The following CACNA1F variants were observed in gnomAD, a reference collection of about 807,000 sequenced individuals.
The protein encoded by CACNA1F is voltage-dependent L-type calcium channel subunit alpha-1F.
CACNA1F carries 59 observed loss-of-function variants against 143.8 expected under a neutral mutation model. The observed-to-expected ratio is 0.41, with a 90% CI of 0.33 to 0.51. The LOEUF (loss-of-function observed/expected upper bound fraction) is 0.51, where lower values mean the gene tolerates loss of function less well. CACNA1F is among the 20% of genes least tolerant of loss of function. The pLI is 0.22. For synonymous variants in CACNA1F, 643 were observed against 649.1 expected (o/e 0.99, Z 0.14); for missense variants, 1,411 against 1,647.5 (o/e 0.86, Z 2.48).
chrX:49,226,079 G>T lies in CACNA1F; in HGVS notation c.1491-10C>A. On this transcript the variant is annotated splice_polypyrimidine_tract_variant and intron_variant, in intron 12 of 47. Coordinates refer to ENST00000323022, the MANE Select transcript of CACNA1F (RefSeq NM_001256789.3). ...TCGGCGGAGGCGGCGGCTGGGGGAA[G>T]GGGAGCCCACAGGCTGAGATCACCT... 1 of 1,192,809 alleles carries T rather than the reference G, an allele frequency of 8.4e-7. No homozygotes were observed. Among genetic ancestry groups the T allele is most frequent in the Non-Finnish European group, 1.1e-6 (1 of 885,440 alleles).
rs201620596 is a variant in CACNA1F, at chrX:49,207,115, G to A, written c.5124-3C>T. 3 of 1,128,530 alleles carry A rather than the reference G, an allele frequency of 2.7e-6. No homozygotes were observed. Among genetic ancestry groups the A allele is most frequent in the East Asian group, 3.1e-5 (1 of 32,546 alleles). The allele number at this position is 1,128,530 out of a possible 1,213,427, so 93.0% of individuals were successfully genotyped here. A position where few individuals can be genotyped will look rare whatever the true frequency, so the allele number is the denominator to read the frequency against. On this transcript the variant is annotated splice_polypyrimidine_tract_variant and splice_region_variant and intron_variant, in intron 43 of 47. Coordinates refer to ENST00000323022, the MANE Select transcript of CACNA1F (RefSeq NM_001256789.3). Reference sequence around the variant, plus strand: ...AAATGAGAGCCCCAGAGCCTCTCCTGGGGAAAGGGAGGCACGTTAGGCAGA... The same window carrying A: ...AAATGAGAGCCCCAGAGCCTCTCCTAGGGAAAGGGAGGCACGTTAGGCAGA...
Position 49,210,978 on chromosome X carries a change from C to A in CACNA1F, c.4375G>T (p.Asp1459Tyr). Residue 1459 changes from aspartate (D) to tyrosine (Y), a missense_variant, in exon 37 of 48, where the codon GAC becomes TAC. By Grantham distance (160) the Asp-to-Tyr change is radical. Coordinates refer to ENST00000323022, the MANE Select transcript of CACNA1F (RefSeq NM_001256789.3). ...DEFKRIWSEY[D>Y]PGAKGRIKHL... ...TAGAGGGCATACTTGGCCCCAGGGT[C>A]ATATTCAGACCAGATCCTCTTGAAT... 1 of 1,206,714 alleles carries A rather than the reference C, an allele frequency of 8.3e-7. No homozygotes were observed. Among genetic ancestry groups the A allele is most frequent in the Non-Finnish European group, 1.1e-6 (1 of 892,828 alleles).
At chrX:49,211,180 G>T (rs2065654298) in intron 36 of CACNA1F, 88 bp from the exon 37 acceptor site, 2 of 1,110,110 alleles carry the variant, frequency 1.8e-6, no homozygotes, top group Non-Finnish European at 2.5e-6. Context: ...GGCTTATATG[G>T]TCATGAGTCT....
chrX:49,215,640 G>A (rs1268412281), intron 27 of CACNA1F, 97 bp from the exon 28 acceptor site: 2 of 559,996 alleles, frequency 3.6e-6, no homozygotes, highest in East Asian at 3.6e-5. Flanking sequence ...AGACACCCCA[G>A]AGTTTCCTGC....
In CACNA1F at chrX:49,211,262, T is replaced by G. The variant is rs896869598; in HGVS notation, c.4260+60A>C. The G allele has an allele frequency of 3.4e-6, 4 of 1,173,521 alleles. No homozygotes were observed. The African/African-American group carries it at 7.1e-5, about 21-fold the overall frequency. ...ATCTGGGCTGCCCACGTCACATCCC[T>G]GAGCCCCTCAGGGCCAGCCCCCGTG... On this transcript the variant is annotated intron_variant, in intron 36 of 47. Coordinates refer to ENST00000323022, the MANE Select transcript of CACNA1F (RefSeq NM_001256789.3).
At chrX:49,208,411 GCC>G in intron 43 of CACNA1F, 102 bp downstream of exon 43, 1 of 414,483 alleles carries the variant, frequency 2.4e-6, no homozygotes. Flanking sequence ...AGGCCTCTAG[GCC>G]CTCCCTCCCA....
chrX:49,208,066 C>T lies in CACNA1F; in HGVS notation c.5123+449G>A, dbSNP rs369014460. Among the ~76,000 whole-genome samples the T allele has an allele frequency of 1.8e-4, 19 of 107,714 alleles. No homozygotes were observed. The East Asian group carries it at 4.7e-3, about 27-fold the overall frequency. The allele number at this position is 107,714 out of a possible 115,157, so 93.5% of individuals were successfully genotyped here. On this transcript the variant is annotated intron_variant, in intron 43 of 47. Coordinates refer to ENST00000323022, the MANE Select transcript of CACNA1F (RefSeq NM_001256789.3). The stretch of plus-strand genomic sequence containing the variant: ...AAAAAAAATTAGCCTGGCATTATGG[C>T]GCACGCCTGTAATCCCAGCTACTCG...
intron 17 of CACNA1F, among the ~76,000 whole-genome samples, chrX:49,221,471 C>T (rs1322652645): frequency 3.6e-5 from 4 of 110,635 alleles, no homozygotes; most frequent in Admixed American, 9.6e-5. Flanking sequence ...GGCAGTGGTG[C>T]GATATTGGCT....
At chrX:49,218,843 C>T in intron 22 of CACNA1F, 39 bp downstream of exon 22, 1 of 1,145,370 alleles carries the variant, frequency 8.7e-7, no homozygotes. Context: ...GGGAGAGTGC[C>T]AGGGCAACTG....
intron 17 of CACNA1F, 140 bp from the exon 18 acceptor site, chrX:49,221,220 C>T (rs1426156066): frequency 3.8e-6 from 2 of 530,935 alleles, no homozygotes; most frequent in Non-Finnish European, 6.6e-6. Flanking sequence ...GTTCTCAAAG[C>T]AGCCAGAGGG....
At position 49,210,329 on chromosome X, in the gene CACNA1F, G is replaced by A. The variant is rs781976924; in HGVS notation, c.4560C>T (p.Val1520=). Residue 1520 remains valine, a synonymous_variant, in exon 39 of 48, where the codon GTC becomes GTT. Coordinates refer to ENST00000323022, the MANE Select transcript of CACNA1F (RefSeq NM_001256789.3). ...VTFNATLFAL[V]RTSLKIKTEG... ...CTGTTTTGATCTTCAGGGATGTCCG[G>A]ACCAGGGCAAAGAGTGTGGCGTTGA... 1 of 1,206,805 alleles carries A rather than the reference G, an allele frequency of 8.3e-7. No individual in the cohort carries two copies. The highest frequency in any genetic ancestry group is 3.0e-5 in the East Asian group (1 of 33,819).
At position 49,213,800 on chromosome X, in the gene CACNA1F, TG is replaced by T; in HGVS notation, c.3792+18del. The stretch of plus-strand genomic sequence containing the variant: ...GGTGTATAGGGCGAGAGTGGATTAG[TG>T]GAAAGGCCAGTTCTCACATTGACTT... On this transcript the variant is annotated intron_variant, in intron 31 of 47. Coordinates refer to ENST00000323022, the MANE Select transcript of CACNA1F (RefSeq NM_001256789.3). 2 of 1,118,519 alleles carry T rather than the reference TG, an allele frequency of 1.8e-6. No individual in the cohort carries two copies. The highest frequency in any genetic ancestry group is 2.5e-6 in the Non-Finnish European group (2 of 810,604). 92.2% of individuals were successfully genotyped at this position (1,118,519 alleles called of 1,213,427 possible).
Position 49,206,743 on chromosome X carries a change from G to T in CACNA1F, c.5344C>A (p.Pro1782Thr). 1.7e-6 allele frequency: 2 copies of T among 1,205,455 alleles called. No individual in the cohort carries two copies. Among genetic ancestry groups the T allele is most frequent in the Non-Finnish European group, 2.2e-6 (2 of 891,854 alleles). ...GHLVPRRRLL[P>T]PTPAGRKPSF... ...CTGCTCTCACCTGCAGGTGTGGGGG[G>T]CAGCAGACGGCGGCGTGGTACCAGG... Residue 1782 changes from proline to threonine, a missense_variant, in exon 45 of 48, where the codon CCC becomes ACC. Physicochemically the swap from Pro to Thr is conservative, Grantham distance 38. Around this residue, in one of 3 missense-constraint regions of CACNA1F, gnomAD observed 349 missense variants for 350.2 expected, o/e 1.00. Coordinates refer to ENST00000323022, the MANE Select transcript of CACNA1F (RefSeq NM_001256789.3).
intron 34 of CACNA1F, 90 bp from the exon 35 acceptor site, chrX:49,212,079 G>A: frequency 1.2e-6 from 1 of 837,721 alleles, no homozygotes; most frequent in Non-Finnish European, 1.8e-6. Flanking sequence ...TCATAACCCT[G>A]ACAAACAGGG....
chrX:49,220,378 A>T, intron 19 of CACNA1F, 95 bp downstream of exon 19: 1 of 604,751 alleles, frequency 1.7e-6, no homozygotes, highest in Non-Finnish European at 2.8e-6. Flanking sequence ...GAAAAGGCTG[A>T]TCTCTGGAGA....
chrX:49,209,904 G>A (rs1557105806), intron 40 of CACNA1F, 37 bp downstream of exon 40: 2 of 1,144,738 alleles, frequency 1.7e-6, no homozygotes, highest in Admixed American at 2.2e-5. Flanking sequence ...CTGCCATTCA[G>A]GGGCTGGCGC....
chrX:49,212,756 G>A lies in CACNA1F; in HGVS notation c.3853C>T (p.Arg1285Cys), dbSNP rs1557106557. 4 of 1,207,717 alleles carry A rather than the reference G, an allele frequency of 3.3e-6. No homozygotes were observed. Among genetic ancestry groups the A allele is most frequent in the Admixed American group, 2.2e-5 (1 of 45,564 alleles). ...DSSRISITFFRLFRVMRLVKL... is the reference protein window; with the variant it reads ...DSSRISITFFCLFRVMRLVKL... ...ACCAGCCGCATAACTCGGAAGAGGC[G>A]AAAGAAGGTAATGGAAATGCGGGAG... Residue 1285 changes from arginine (R) to cysteine (C), a missense_variant, in exon 33 of 48, where the codon CGC becomes TGC. By Grantham distance (180) the Arg-to-Cys change is radical (BLOSUM62 -3). Coordinates refer to ENST00000323022, the MANE Select transcript of CACNA1F (RefSeq NM_001256789.3).
chrX:49,221,970 T>C (rs1418488634), intron 17 of CACNA1F, among the ~76,000 whole-genome samples: 1 of 105,350 alleles, frequency 9.5e-6, no homozygotes, highest in Non-Finnish European at 1.9e-5. Context: ...ATGACAAGAG[T>C]GAAACTCCAT....
chrX:49,221,174 G>A (rs1557108704), intron 17 of CACNA1F, 94 bp from the exon 18 acceptor site: 1 of 734,069 alleles, frequency 1.4e-6, no homozygotes, highest in African/African-American at 2.1e-5. Context: ...GAACTTTCTT[G>A]CTTCCGCTCT....
Sources: allele counts gnomAD v4.1 joint callset (sites outside exome capture counted in the v4.1 genomes callset), GRCh38; gene constraint gnomAD v4.1.1; regional missense constraint gnomAD v4.1.1; transcripts MANE v1.5; gene names NCBI Gene and HGNC (gene_info 2026-07-23, HGNC 2026-07-21).